NAV3: variants seen among roughly 807,000 people sequenced by gnomAD.
NAV3 encodes pore membrane and/or filament interacting like protein 1.
A neutral mutation model predicts 244.7 loss-of-function variants in NAV3; 87 were observed. The observed-to-expected ratio is 0.36, with a 90% CI of 0.30 to 0.42. The LOEUF (loss-of-function observed/expected upper bound fraction) is 0.42. Ranked by LOEUF, NAV3 falls within the 20% of genes least tolerant of loss-of-function variation. The pLI, the probability that NAV3 is intolerant of heterozygous loss-of-function variation, is 1.00. For missense variants in NAV3, 2,663 were observed against 2,893.3 expected (o/e 0.92, Z 1.83); for synonymous variants, 1,126 against 1,042.2 (o/e 1.08, Z -1.55).
At chr12:77,758,251 C>T (rs192647881) in intron 2 of NAV3, among the ~76,000 whole-genome samples, 209 of 152,184 alleles carry the variant, frequency 1.4e-3, no homozygotes, top group Non-Finnish European at 9.7e-4. Flanking sequence ...GATTTCTTAT[C>T]ACCTGACACG....
intron 2 of NAV3, among the ~76,000 whole-genome samples, chr12:77,617,106 A>G (rs1391709431): frequency 6.6e-6 from 1 of 152,196 alleles, no homozygotes; most frequent in East Asian, 1.9e-4. Flanking sequence ...TTTCACATGT[A>G]TTGGAAGCTC....
intron 8 of NAV3, among the ~76,000 whole-genome samples, chr12:78,013,146 C>T (rs982480196): frequency 9.9e-5 from 15 of 152,092 alleles, no homozygotes. Flanking sequence ...CACATTCATT[C>T]ACTTATTTTT....
At chr12:78,191,891 T>G (rs1267930051) in intron 34 of NAV3, among the ~76,000 whole-genome samples, 1 of 152,154 alleles carries the variant, frequency 6.6e-6, no homozygotes, top group African/African-American at 2.4e-5. Flanking sequence ...ACTTTTTTTA[T>G]GGAATAAAAA....
intron 12 of NAV3, among the ~76,000 whole-genome samples, chr12:78,068,392 C>G (rs1271181302): frequency 6.6e-6 from 1 of 150,838 alleles, no homozygotes; most frequent in Non-Finnish European, 1.5e-5. Flanking sequence ...CTAAACATAT[C>G]TATACTATAA....
intron 12 of NAV3, among the ~76,000 whole-genome samples, chr12:78,067,249 C>T (rs998489842): frequency 6.6e-5 from 10 of 152,050 alleles, no homozygotes; most frequent in African/African-American, 2.4e-4. Flanking sequence ...AGCTTACTGG[C>T]TCTCCATAGT....
intron 9 of NAV3, among the ~76,000 whole-genome samples, chr12:78,040,096 A>G (rs1303391376): frequency 1.3e-5 from 2 of 152,108 alleles, no homozygotes; most frequent in African/African-American, 2.4e-5. Context: ...AAGCCTCTGG[A>G]CCTCACTCAG....
intron 11 of NAV3, among the ~76,000 whole-genome samples, chr12:78,056,529 G>A (rs181446389): frequency 3.7e-4 from 56 of 152,280 alleles, no homozygotes; most frequent in Middle Eastern, 3.4e-3. Flanking sequence ...AGGAGTTCGA[G>A]ACCATCTTGG....
intron 2 of NAV3, among the ~76,000 whole-genome samples, chr12:77,808,665 TGAG>T (rs1008291721): frequency 6.6e-6 from 1 of 152,196 alleles, no homozygotes; most frequent in Non-Finnish European, 1.5e-5. Context: ...GGGACCCACT[TGAG>T]GAGGCAGTGT....
rs770110377 is a variant in NAV3 at position 78,185,710 on chromosome 12, A to G, written c.5790+12A>G. 2 of 1,597,044 alleles carry G rather than the reference A, an allele frequency of 1.3e-6. No individual in the cohort carries two copies. The highest frequency in any genetic ancestry group is 1.7e-5 in the Admixed American group (1 of 59,484). ...ATGGTCGAGCAAAGGTACTTCTTTA[A>G]TCTTAAACTCTTTATTACTAACAAT... On this transcript the variant is annotated intron_variant, in intron 31 of 39. Transcript: ENST00000397909.
At chr12:77,697,637 C>T (rs998084041) in intron 2 of NAV3, among the ~76,000 whole-genome samples, 1 of 152,194 alleles carries the variant, frequency 6.6e-6, no homozygotes. Context: ...TTATTAATCA[C>T]TCATGCATTA....
chr12:78,155,757 T>C (rs1565733451), intron 22 of NAV3, among the ~76,000 whole-genome samples: 1 of 152,022 alleles, frequency 6.6e-6, no homozygotes, highest in South Asian at 2.1e-4. Flanking sequence ...CCCTTTTTTT[T>C]ATATGTTTGT....
At chr12:78,170,322 A>G (rs1372432872) in intron 24 of NAV3, among the ~76,000 whole-genome samples, 2 of 151,658 alleles carry the variant, frequency 1.3e-5, no homozygotes, top group African/African-American at 4.8e-5. Flanking sequence ...TCCTCTCCTC[A>G]TTGAATAAAT....
chr12:77,955,456 T>C (rs2137729125), intron 3 of NAV3, among the ~76,000 whole-genome samples: 1 of 152,292 alleles, frequency 6.6e-6, no homozygotes, highest in East Asian at 1.9e-4. Flanking sequence ...ATCAACACTT[T>C]TATAATAAAT....
intron 38 of NAV3, among the ~76,000 whole-genome samples, chr12:78,204,375 G>A (rs1295695818): frequency 6.6e-6 from 1 of 151,958 alleles, no homozygotes; most frequent in Non-Finnish European, 1.5e-5. Context: ...AGATAAAAAA[G>A]AGTTTTTACA....
chr12:78,011,392 C>A (rs1479011), intron 8 of NAV3, among the ~76,000 whole-genome samples: 78,897 of 151,840 alleles, frequency 0.52, 21,313 homozygotes, highest in East Asian at 0.66. Flanking sequence ...ACAATATCAT[C>A]AAAAATATTA....
At chr12:77,652,937 A>G (rs774762379) in intron 2 of NAV3, among the ~76,000 whole-genome samples, 12 of 152,236 alleles carry the variant, frequency 7.9e-5, no homozygotes, top group Non-Finnish European at 1.2e-4. Flanking sequence ...GATTTTATAC[A>G]GGGAATTTAC....
chr12:77,851,385 A>T (rs1262252544), intron 1 of NAV3, among the ~76,000 whole-genome samples: 1 of 152,166 alleles, frequency 6.6e-6, no homozygotes, highest in African/African-American at 2.4e-5. Flanking sequence ...CTTGCACCCT[A>T]TGCATTGTGG....
chr12:77,769,238 C>T (rs34232670), intron 2 of NAV3, among the ~76,000 whole-genome samples: 10,864 of 152,228 alleles, frequency 0.071, 551 homozygotes, highest in South Asian at 0.24. Context: ...TGAAACAATT[C>T]TTAGTCAAGA....
chr12:77,663,668 T>C (rs926920604), intron 2 of NAV3, among the ~76,000 whole-genome samples: 6 of 152,248 alleles, frequency 3.9e-5, no homozygotes, highest in African/African-American at 1.4e-4. Context: ...ATTACAGGCC[T>C]GCACCACCAT....
Sources: gnomAD v4.1 joint callset for allele counts (sites outside exome capture counted in the v4.1 genomes callset) on GRCh38, gnomAD v4.1.1 for gene constraint, MANE v1.5 for transcripts, NCBI Gene and HGNC (gene_info 2026-07-23, HGNC 2026-07-21) for gene names.